Variants in C8orf34 observed in about 807,000 individuals in gnomAD.
C8orf34 encodes chromosome 8 open reading frame 34, also known as uncharacterized protein C8orf34.
Under a neutral mutation model 68.3 loss-of-function variants are expected in C8orf34, and 65 were observed. That is an observed-to-expected ratio of 0.95 (90% CI 0.78 to 1.17). The LOEUF (loss-of-function observed/expected upper bound fraction) is 1.17, where lower values mean the gene tolerates loss of function less well. C8orf34 is among the 50% of genes most tolerant of loss of function. C8orf34 has a pLI of 0.00. For synonymous variants in C8orf34, 244 were observed against 241.2 expected (o/e 1.01, Z -0.11); for missense variants, 664 against 655.4 (o/e 1.01, Z -0.14).
intron 7 of C8orf34, among the ~76,000 whole-genome samples, chr8:68,629,535 C>T (rs1262811792): frequency 6.6e-6 from 1 of 152,130 alleles, no homozygotes; most frequent in Non-Finnish European, 1.5e-5. Context: ...CAAAAACTAA[C>T]ATTCCAAAAG....
intron 1 of C8orf34, among the ~76,000 whole-genome samples, chr8:68,371,308 T>A (rs1807549826): frequency 6.6e-6 from 1 of 152,218 alleles, no homozygotes; most frequent in Non-Finnish European, 1.5e-5. Flanking sequence ...CAAATTATGT[T>A]ACAATTCTAT....
intron 11 of C8orf34, among the ~76,000 whole-genome samples, chr8:68,776,800 A>G (rs889019383): frequency 1.3e-5 from 2 of 152,246 alleles, no homozygotes; most frequent in African/African-American, 4.8e-5. Flanking sequence ...CGCTCTTCCT[A>G]CTGAAAGAAC....
intron 1 of C8orf34, among the ~76,000 whole-genome samples, chr8:68,367,912 G>GAAAAAATAAAAAAAAAAAAAA (rs1807364855): frequency 1.3e-5 from 1 of 79,118 alleles, no homozygotes; most frequent in Non-Finnish European, 2.3e-5. Context: ...AAAAAGAAAA[G>GAAAAAATAAAAAAAAAAAAAA]AAAAAAAAAA....
chr8:68,382,253 A>G (rs1274682932), intron 1 of C8orf34, among the ~76,000 whole-genome samples: 1 of 152,236 alleles, frequency 6.6e-6, no homozygotes, highest in East Asian at 1.9e-4. Context: ...AATGATGTGC[A>G]CAATTTAAGA....
At chr8:68,583,060 A>G (rs928513114) in intron 7 of C8orf34, among the ~76,000 whole-genome samples, 2 of 152,264 alleles carry the variant, frequency 1.3e-5, no homozygotes, top group East Asian at 3.9e-4. Flanking sequence ...TTTCCTTTAC[A>G]AAAGGGTAAT....
chr8:68,557,372 A>T (rs1034036089), intron 7 of C8orf34, among the ~76,000 whole-genome samples: 5 of 152,222 alleles, frequency 3.3e-5, no homozygotes, highest in Non-Finnish European at 7.3e-5. Flanking sequence ...CTTGAGCCCC[A>T]AAAGCTTAAC....
Position 68,344,894 on chromosome 8 carries a change from G to T in C8orf34, c.327+13555G>T, listed in dbSNP as rs144697621. Among the ~76,000 whole-genome samples, 315 of 152,132 alleles carry T rather than the reference G, an allele frequency of 2.1e-3. 2 individuals are homozygous for T. Among genetic ancestry groups the T allele is most frequent in the East Asian group, 1.3e-3 (7 of 5,186 alleles). The stretch of plus-strand genomic sequence containing the variant: ...TATTGATAGAAAAATATTAACATAC[G>T]TGTTGAAAATTTAAGAGTAATCTCT... On this transcript the variant is annotated intron_variant, in intron 1 of 13. Coordinates refer to ENST00000518698, the MANE Select transcript of C8orf34 (RefSeq NM_052958.4).
chr8:68,438,384 T>C (rs1264306203), intron 1 of C8orf34: 1 of 152,088 alleles, frequency 6.6e-6, no homozygotes, highest in Non-Finnish European at 1.5e-5. Context: ...TGTAGAAGTA[T>C]CATTGGAGAC....
intron 3 of C8orf34, among the ~76,000 whole-genome samples, chr8:68,457,447 A>G (rs187400574): frequency 6.6e-6 from 1 of 152,318 alleles, no homozygotes; most frequent in Non-Finnish European, 1.5e-5. Flanking sequence ...ACTTTCAGAT[A>G]AGAACATTAG....
chr8:68,463,482 A>C (rs1355032010), intron 3 of C8orf34, among the ~76,000 whole-genome samples: 56 of 148,196 alleles, frequency 3.8e-4, no homozygotes, highest in Admixed American at 2.4e-3. Context: ...GGCAGAGACA[A>C]AACCAAAAAA....
chr8:68,424,508 T>C (rs1382915160), intron 1 of C8orf34, among the ~76,000 whole-genome samples: 2 of 152,132 alleles, frequency 1.3e-5, no homozygotes, highest in African/African-American at 4.8e-5. Flanking sequence ...AAGAATTGGA[T>C]GTTGAAATTA....
At chr8:68,690,359 A>T (rs1820650266) in intron 8 of C8orf34, among the ~76,000 whole-genome samples, 1 of 152,022 alleles carries the variant, frequency 6.6e-6, no homozygotes, top group Non-Finnish European at 1.5e-5. Context: ...AAGCATACAA[A>T]TTTATTTAAT....
chr8:68,625,986 T>A (rs1465593088), intron 7 of C8orf34, among the ~76,000 whole-genome samples: 2 of 152,176 alleles, frequency 1.3e-5, no homozygotes, highest in Admixed American at 1.3e-4. Context: ...ATTTGCTTCA[T>A]TAAGAATGTT....
At chr8:68,786,331 T>C (rs758571871) in intron 11 of C8orf34, among the ~76,000 whole-genome samples, 21 of 152,162 alleles carry the variant, frequency 1.4e-4, no homozygotes, top group Non-Finnish European at 2.9e-4. Flanking sequence ...CCTCCTCCTA[T>C]ATGAATGTTT....
chr8:68,736,065 G>C (rs1242457925), intron 10 of C8orf34, among the ~76,000 whole-genome samples: 1 of 152,136 alleles, frequency 6.6e-6, no homozygotes, highest in East Asian at 1.9e-4. Context: ...TCATACAGCT[G>C]TTGACATAAA....
At chr8:68,674,697 A>T (rs1441915717) in intron 8 of C8orf34, among the ~76,000 whole-genome samples, 1 of 150,940 alleles carries the variant, frequency 6.6e-6, no homozygotes, top group Non-Finnish European at 1.5e-5. Flanking sequence ...GAACTTAAAG[A>T]GGAGGTAGAG....
rs899877834 is a variant in C8orf34, at chr8:68,517,311, G to A, written c.766-4488G>A. Among the ~76,000 whole-genome samples, 8 of 151,978 alleles carry A rather than the reference G, an allele frequency of 5.3e-5. No individual in the cohort carries two copies. In the South Asian group the frequency reaches 1.7e-3, roughly 32 times the overall value. ...TACTTTGATCTACTATGTGTAAAAA[G>A]GCTATATTCAAAATTTTTCAGAAAT... is the stretch of plus-strand genomic sequence containing the variant. On this transcript the variant is annotated intron_variant, in intron 5 of 13. Coordinates refer to ENST00000518698, the MANE Select transcript of C8orf34 (RefSeq NM_052958.4).
chr8:68,643,799 A>G (rs543297894), intron 8 of C8orf34, among the ~76,000 whole-genome samples: 9 of 152,300 alleles, frequency 5.9e-5, no homozygotes, highest in African/African-American at 2.2e-4. Context: ...GACCATACCA[A>G]TTAGTTACCA....
chr8:68,603,570 T>TATC (rs1817769749), intron 7 of C8orf34, among the ~76,000 whole-genome samples: 1 of 115,442 alleles, frequency 8.7e-6, no homozygotes, highest in Non-Finnish European at 1.7e-5. Flanking sequence ...TCTATCTATC[T>TATC]ATCTTTGATC....
Sources: gnomAD v4.1 joint callset for allele counts (sites outside exome capture counted in the v4.1 genomes callset) on GRCh38, gnomAD v4.1.1 for gene constraint, MANE v1.5 for transcripts, NCBI Gene and HGNC (gene_info 2026-07-23, HGNC 2026-07-21) for gene names.